FLOT2: variants seen among roughly 807,000 people sequenced by gnomAD.
The protein encoded by FLOT2 is flotillin 2.
FLOT2 carries 35 observed loss-of-function variants against 54.9 expected under a neutral mutation model. That is an observed-to-expected ratio of 0.64 (90% CI 0.49 to 0.84). The LOEUF (loss-of-function observed/expected upper bound fraction) is 0.84, where lower values mean the gene tolerates loss of function less well. Among genes scored for constraint, FLOT2 ranks in the 40% least tolerant of loss-of-function variants. The pLI is 0.00. For synonymous variants in FLOT2, 207 were observed against 228.9 expected (o/e 0.90, Z 0.86); for missense variants, 464 against 572.1 (o/e 0.81, Z 1.93).
intron 1 of FLOT2, among the ~76,000 whole-genome samples, chr17:28,894,505 T>A (rs1232106683): frequency 6.6e-6 from 1 of 150,988 alleles, no homozygotes; most frequent in Non-Finnish European, 1.5e-5. Flanking sequence ...GCACCTGTAA[T>A]CCCAGCTACT....
Position 28,884,187 on chromosome 17 carries a change from GCTC to G in FLOT2, c.222+35_222+37del. ...CCGAACCCGAGTACGGGACCAGGCAGCTCAACGGACATGCGCAGGGCTGCTGAG... is the reference window on the plus strand; with the variant it reads ...CCGAACCCGAGTACGGGACCAGGCAGAACGGACATGCGCAGGGCTGCTGAG... On this transcript the variant is annotated intron_variant, in intron 3 of 10. Coordinates refer to ENST00000394908, the MANE Select transcript of FLOT2 (RefSeq NM_004475.3). This position sits in a 1 kb window ranked among gnomAD's most constrained non-coding sequence, Gnocchi z 5.1. 6.8e-7 allele frequency: 1 copy of G among 1,465,874 alleles called. No individual in the cohort carries two copies. Among genetic ancestry groups the G allele is most frequent in the Non-Finnish European group, 9.6e-7 (1 of 1,045,598 alleles). 90.8% of individuals were successfully genotyped at this position (1,465,874 alleles called of 1,614,324 possible). A position where few individuals can be genotyped will look rare whatever the true frequency, so the allele number is the denominator to read the frequency against.
Position 28,880,447 on chromosome 17 carries a change from G to T in FLOT2, c.*114C>A. On this transcript the variant is annotated 3_prime_UTR_variant, in exon 11 of 11. Coordinates refer to ENST00000394908, the MANE Select transcript of FLOT2 (RefSeq NM_004475.3). ...ATGGCCTGAACACGCAGCACTTCTG[G>T]TCCCTTCGAGATAAGGCACCAGAGT... 6.5e-7 allele frequency: 1 copy of T among 1,533,244 alleles called. No homozygotes were observed. 95.0% of individuals were successfully genotyped at this position (1,533,244 alleles called of 1,614,324 possible). A position where few individuals can be genotyped will look rare whatever the true frequency, so the allele number is the denominator to read the frequency against.
intron 2 of FLOT2, among the ~76,000 whole-genome samples, chr17:28,886,448 C>T (rs1375127684): frequency 6.6e-6 from 1 of 152,216 alleles, no homozygotes; most frequent in Non-Finnish European, 1.5e-5. Context: ...CTATCTATCA[C>T]TAAGGCAAGG....
rs1455415773 is a variant in FLOT2, at chr17:28,884,814, T to A, written c.132-499A>T. Among the ~76,000 whole-genome samples the A allele has an allele frequency of 6.6e-6, 1 of 152,180 alleles. No homozygotes were observed. Among genetic ancestry groups the A allele is most frequent in the Non-Finnish European group, 1.5e-5 (1 of 68,016 alleles). ...AGCTCTGCCTGATTGCCTGGCATCC[T>A]GGAGTATGCCTACTGCTGGGCTAAG... On this transcript the variant is annotated intron_variant, in intron 2 of 10. Transcript: ENST00000394908. This position sits in a 1 kb window ranked among gnomAD's most constrained non-coding sequence, Gnocchi z 5.1.
intron 2 of FLOT2, chr17:28,886,067 G>GGC: frequency 1.6e-4 from 90 of 579,586 alleles, no homozygotes; most frequent in Middle Eastern, 9.3e-4. Flanking sequence ...GCGGGGGGGG[G>GGC]CATGCTGTCA....
At chr17:28,886,057 G>A in intron 2 of FLOT2, 1 of 612,546 alleles carries the variant, frequency 1.6e-6, no homozygotes, top group Non-Finnish European at 3.0e-6. Context: ...ACGCCTGGGG[G>A]CGGGGGGGGG....
chr17:28,881,958 A>G lies in FLOT2; in HGVS notation c.770T>C (p.Ile257Thr). The change falls in exon 8 of 11, where the codon ATT becomes ACT. Residue 257 changes from isoleucine (I) to threonine (T), a missense_variant. Coordinates refer to ENST00000394908, the MANE Select transcript of FLOT2 (RefSeq NM_004475.3). ...CTTGCGCTGCACAACCTCAATCTCA[A>G]TCTCTTCCTGCCGGATCTTCTGCTG... Reference protein sequence around the residue: ...REQQKIRQEEIEIEVVQRKKQ... With the variant: ...REQQKIRQEETEIEVVQRKKQ... 1 of 1,613,956 alleles carries G rather than the reference A, an allele frequency of 6.2e-7. No homozygotes were observed. The highest frequency in any genetic ancestry group is 8.5e-7 in the Non-Finnish European group (1 of 1,180,006).
At position 28,880,175 on chromosome 17, in the gene FLOT2, G is replaced by A. The variant is rs539387316; in HGVS notation, c.*386C>T. The A allele has an allele frequency of 5.4e-6, 6 of 1,106,910 alleles. No individual in the cohort carries two copies. In the African/African-American group the frequency reaches 9.9e-5, roughly 18 times the overall value. The allele number at this position is 1,106,910 out of a possible 1,614,324, so 68.6% of individuals were successfully genotyped here. On this transcript the variant is annotated 3_prime_UTR_variant, in exon 11 of 11. Coordinates refer to ENST00000394908, the MANE Select transcript of FLOT2 (RefSeq NM_004475.3). ...GCCAGGGCCATAGGGAGGATGGACAGATGCACAGAGAACTTCAAGGCACCA... is the reference window on the plus strand; with the variant it reads ...GCCAGGGCCATAGGGAGGATGGACAAATGCACAGAGAACTTCAAGGCACCA...
At position 28,882,372 on chromosome 17, in the gene FLOT2, C is replaced by T. The variant is rs2039468161; in HGVS notation, c.544G>A (p.Gly182Ser). The T allele has an allele frequency of 5.0e-6, 8 of 1,614,110 alleles. No individual in the cohort carries two copies. Among genetic ancestry groups the T allele is most frequent in the Non-Finnish European group, 5.9e-6 (7 of 1,180,040 alleles). The change falls in exon 6 of 11, where the codon GGC becomes AGC. Residue 182 changes from glycine to serine, a missense_variant. Transcript: ENST00000394908. This position sits in a 1 kb window ranked among gnomAD's most constrained non-coding sequence, Gnocchi z 5.6. Reference sequence around the variant, plus strand: ...GCGTCCCGTTCAGCCTCGGCCACGCCAATGTCAGCATCTCTCTGCACCACG... The same window carrying T: ...GCGTCCCGTTCAGCCTCGGCCACGCTAATGTCAGCATCTCTCTGCACCACG... ...TAVVQRDADI[G>S]VAEAERDAGI...
intron 1 of FLOT2, among the ~76,000 whole-genome samples, chr17:28,890,179 G>A (rs868378046): frequency 6.6e-6 from 1 of 152,154 alleles, no homozygotes; most frequent in Non-Finnish European, 1.5e-5. Context: ...TCATGGGAAC[G>A]GGTGGGGAAG....
At position 28,882,261 on chromosome 17, in the gene FLOT2, G is replaced by A. The variant is rs759007329; in HGVS notation, c.580-24C>T. On this transcript the variant is annotated intron_variant, in intron 6 of 10. Transcript: ENST00000394908. The surrounding 1 kb of genome is among the most constrained non-coding windows in gnomAD (Gnocchi z 5.6). ...TCCTGGGGACAAAAGGGGCAGAAGG[G>A]GAAGGTGAGTGAGTAGAGGTCCTGA... The A allele has an allele frequency of 3.7e-6, 6 of 1,614,114 alleles. No homozygotes were observed. In the African/African-American group the frequency reaches 6.7e-5, roughly 18 times the overall value.
Position 28,890,607 on chromosome 17 carries a change from C to T in FLOT2, c.50-1581G>A, listed in dbSNP as rs986563355. ...TTCACCGTGTTAGCCAGGATGGTCA[C>T]GATCTCCTAACCTCATGATCTGCCC... On this transcript the variant is annotated intron_variant, in intron 1 of 10. Coordinates refer to ENST00000394908, the MANE Select transcript of FLOT2 (RefSeq NM_004475.3). Among the ~76,000 whole-genome samples the T allele has an allele frequency of 2.0e-4, 31 of 152,204 alleles. 1 individual carries two copies. The highest frequency in any genetic ancestry group is 3.3e-4 in the Admixed American group (5 of 15,300).
At chr17:28,890,677 C>T (rs1330531200) in intron 1 of FLOT2, among the ~76,000 whole-genome samples, 7 of 152,116 alleles carry the variant, frequency 4.6e-5, no homozygotes, top group South Asian at 2.1e-4. Context: ...TGAGCCACTG[C>T]GCCCGGCAAT....
chr17:28,883,546 C>T lies in FLOT2; in HGVS notation c.223-315G>A, dbSNP rs1430559649. On this transcript the variant is annotated intron_variant, in intron 3 of 10. Transcript: ENST00000394908. This position sits in a 1 kb window ranked among gnomAD's most constrained non-coding sequence, Gnocchi z 5.0. ...TAATTCCTCCCTTGCAGGCTTCCTA[C>T]ACGTGGGAGACCCTCAGGCTGAGGG... is the stretch of plus-strand genomic sequence containing the variant. Among the ~76,000 whole-genome samples the T allele has an allele frequency of 6.6e-6, 1 of 152,014 alleles. No homozygotes were observed. Among genetic ancestry groups the T allele is most frequent in the East Asian group, 1.9e-4 (1 of 5,164 alleles).
rs1473486687 is a variant in FLOT2 at position 28,882,585 on chromosome 17, G to A, written c.453C>T (p.Ser151=). 5 of 1,611,016 alleles carry A rather than the reference G, an allele frequency of 3.1e-6. No homozygotes were observed. The highest frequency in any genetic ancestry group is 4.2e-6 in the Non-Finnish European group (5 of 1,177,452). ...DVGRMGIEIL[S]FTIKDVYDKV... ...CATCACGTCGTACCTTGATGGTGAA[G>A]CTGAGGATCTCAATGCCCATGCGGC... The change falls in exon 5 of 11, where the codon AGC becomes AGT. Residue 151 remains serine (S), a synonymous_variant. Coordinates refer to ENST00000394908, the MANE Select transcript of FLOT2 (RefSeq NM_004475.3). This position sits in a 1 kb window ranked among gnomAD's most constrained non-coding sequence, Gnocchi z 5.6.
At position 28,883,076 on chromosome 17, in the gene FLOT2, T is replaced by C; in HGVS notation, c.346+32A>G. 1 of 1,611,190 alleles carries C rather than the reference T, an allele frequency of 6.2e-7. No homozygotes were observed. The highest frequency in any genetic ancestry group is 8.5e-7 in the Non-Finnish European group (1 of 1,177,770). ...TCCCTGCCTTGGCTTAGGGGCCCCG[T>C]GAGGCTCCTCAAAGGCTGAACAGGG... is the stretch of plus-strand genomic sequence containing the variant. On this transcript the variant is annotated intron_variant, in intron 4 of 10. Coordinates refer to ENST00000394908, the MANE Select transcript of FLOT2 (RefSeq NM_004475.3). The surrounding 1 kb of genome is among the most constrained non-coding windows in gnomAD (Gnocchi z 5.0).
rs569715887 is a variant in FLOT2 at position 28,897,042 on chromosome 17, T to C, written c.49+484A>G. Among the ~76,000 whole-genome samples, 1 of 152,190 alleles carries C rather than the reference T, an allele frequency of 6.6e-6. No homozygotes were observed. The highest frequency in any genetic ancestry group is 1.5e-5 in the Non-Finnish European group (1 of 68,032). ...CGGTAATCCCCAACAAGCCCCAGCC[T>C]GCTTGGAATTAACGGGTCTGACTGT... On this transcript the variant is annotated intron_variant, in intron 1 of 10. Coordinates refer to ENST00000394908, the MANE Select transcript of FLOT2 (RefSeq NM_004475.3). This position sits in a 1 kb window ranked among gnomAD's most constrained non-coding sequence, Gnocchi z 4.4.
At chr17:28,896,678 C>T (rs1026192832) in intron 1 of FLOT2, among the ~76,000 whole-genome samples, 7 of 152,066 alleles carry the variant, frequency 4.6e-5, no homozygotes, top group Non-Finnish European at 1.0e-4. Flanking sequence ...CAAATCTGCA[C>T]GCAGGCTGAA....
Position 28,880,856 on chromosome 17 carries a change from C to G in FLOT2, c.1105G>C (p.Ala369Pro). ...LVLEALPQIA[A>P]KIAAPLTKVD... is the part of the protein sequence containing the mutation. ...TTGGTAAGTGGGGCAGCGATTTTGG[C>G]AGCAATCTAGGAGGTAAGAGTGGGA... Residue 369 changes from alanine (A) to proline (P), a missense_variant, in exon 10 of 11, where the codon GCC becomes CCC. By Grantham distance (27) the Ala-to-Pro change is conservative. Coordinates refer to ENST00000394908, the MANE Select transcript of FLOT2 (RefSeq NM_004475.3). 6.2e-7 allele frequency: 1 copy of G among 1,613,996 alleles called. No individual in the cohort carries two copies. Among genetic ancestry groups the G allele is most frequent in the Non-Finnish European group, 8.5e-7 (1 of 1,179,986 alleles).
Sources: gnomAD v4.1 joint callset for allele counts (sites outside exome capture counted in the v4.1 genomes callset) on GRCh38, gnomAD v4.1.1 for gene constraint, Gnocchi (gnomAD v3.1) non-coding constraint, MANE v1.5 for transcripts, NCBI Gene and HGNC (gene_info 2026-07-23, HGNC 2026-07-21) for gene names.